Variants in NUMA1 observed in about 807,000 individuals in gnomAD.
The protein encoded by NUMA1 is SP-H antigen.
In NUMA1, 62 loss-of-function variants were observed where a neutral mutation model predicts 237.1. The ratio of observed to expected loss-of-function variants is 0.26; its 90% CI spans 0.21 to 0.32. The LOEUF is 0.32. NUMA1 is among the 10% of genes least tolerant of loss of function. The pLI is 1.00. For synonymous variants in NUMA1, 1,028 were observed against 1,066.1 expected (o/e 0.96, Z 0.70); for missense variants, 2,533 against 2,666.5 (o/e 0.95, Z 1.10).
chr11:72,038,637 T>A (rs1374593214), intron 2 of NUMA1, among the ~76,000 whole-genome samples: 1 of 151,552 alleles, frequency 6.6e-6, no homozygotes, highest in African/African-American at 2.4e-5. Context: ...AGTACCATCC[T>A]CCCCACCCTC....
intron 26 of NUMA1, 42 bp downstream of exon 26, chr11:72,003,845 C>T (rs1339287132): frequency 1.9e-6 from 3 of 1,598,900 alleles, no homozygotes; most frequent in African/African-American, 2.7e-5. Flanking sequence ...GGTGCCCATG[C>T]TCTCATCGGG....
rs147694357 is a variant in NUMA1 at position 72,030,817 on chromosome 11, C to A, written c.43-1527G>T. On this transcript the variant is annotated intron_variant, in intron 3 of 26. Transcript: ENST00000393695. ...GTGTTCTCTATATTTGGGCTGGGAG[C>A]CAGTACATACACACTTTGGGCCCAG... Among the ~76,000 whole-genome samples the A allele has an allele frequency of 7.9e-3, 1,210 of 152,248 alleles. 9 individuals are homozygous for A. Among genetic ancestry groups the A allele is most frequent in the Middle Eastern group, 0.014 (4 of 294 alleles).
rs143066787 is a variant in NUMA1 at position 72,033,545 on chromosome 11, G to A, written c.42+2357C>T. On this transcript the variant is annotated intron_variant, in intron 3 of 26. Transcript: ENST00000393695. The stretch of plus-strand genomic sequence containing the variant: ...ACACCACCACACCCAGCTAATTTTT[G>A]TATTTTTTGAAGAGACAGGGTCTCA... Among the ~76,000 whole-genome samples the A allele has an allele frequency of 2.1e-3, 318 of 151,896 alleles. 1 individual carries two copies. Among genetic ancestry groups the A allele is most frequent in the Admixed American group, 5.5e-3 (83 of 15,220 alleles).
At chr11:72,046,870 G>A (rs1202489744) in intron 2 of NUMA1, among the ~76,000 whole-genome samples, 1 of 152,030 alleles carries the variant, frequency 6.6e-6, no homozygotes, top group Non-Finnish European at 1.5e-5. Context: ...TGAGGCAAGA[G>A]AATCACTTGA....
intron 2 of NUMA1, chr11:72,039,961 T>G (rs1382225599): frequency 6.6e-6 from 1 of 151,988 alleles, no homozygotes; most frequent in Middle Eastern, 3.1e-3. Context: ...TGCCCTAGGC[T>G]AATAAGCTAT....
chr11:72,051,985 G>A (rs1323565954), intron 2 of NUMA1, among the ~76,000 whole-genome samples: 1 of 152,192 alleles, frequency 6.6e-6, no homozygotes, highest in African/African-American at 2.4e-5. Flanking sequence ...TATACTACTT[G>A]TGCTTTTTGA....
rs1217112029 is a variant in NUMA1 at position 72,014,431 on chromosome 11, C to T, written c.3072G>A (p.Lys1024=). ...GCATCTCAAGCTCTGCTCTGGCCGC[C>T]TTCTCCAGGGCAAGGTCAGCCTGGG... ...GRAQADLALE[K]AARAELEMRL... The change falls in exon 15 of 27, where the codon AAG becomes AAA. Residue 1024 remains lysine (K), a synonymous_variant. Coordinates refer to ENST00000393695, the MANE Select transcript of NUMA1 (RefSeq NM_006185.4). This position sits in a 1 kb window ranked among gnomAD's most constrained non-coding sequence, Gnocchi z 4.6. The T allele has an allele frequency of 6.2e-7, 1 of 1,607,486 alleles. No individual in the cohort carries two copies. The highest frequency in any genetic ancestry group is 8.5e-7 in the Non-Finnish European group (1 of 1,179,998).
intron 2 of NUMA1, among the ~76,000 whole-genome samples, chr11:72,060,287 A>AGTTACAAC (rs1330097929): frequency 4.6e-5 from 7 of 152,324 alleles, no homozygotes; most frequent in African/African-American, 1.4e-4. Context: ...AGAGGTGAGT[A>AGTTACAAC]GTTACAACCA....
intron 2 of NUMA1, chr11:72,062,693 GA>G (rs1475490002): frequency 6.6e-6 from 1 of 151,962 alleles, no homozygotes; most frequent in African/African-American, 2.4e-5. Context: ...CAGACTGGGG[GA>G]CAAGAGTGAG....
chr11:72,018,676 G>C (rs1334256028), intron 10 of NUMA1, 147 bp downstream of exon 10: 4 of 1,123,192 alleles, frequency 3.6e-6, no homozygotes, highest in Non-Finnish European at 5.1e-6. Flanking sequence ...GACAAAGACA[G>C]AACCTAGCTT....
At chr11:72,064,345 T>C (rs674319) in intron 2 of NUMA1, among the ~76,000 whole-genome samples, 141,022 of 152,126 alleles carry the variant, frequency 0.93, 65,603 homozygotes, top group Non-Finnish European at 0.98. Context: ...CGCCTGTAGT[T>C]CAGCTACTTG....
rs747930007 is a variant in NUMA1, at chr11:72,007,481, G to A, written c.5217-46C>T. ...GAGGTACAGTCCTTCACGCTAGAAGGCATTTTGTCCAGCCCTTTTTGAAAG... is the reference window on the plus strand; with the variant it reads ...GAGGTACAGTCCTTCACGCTAGAAGACATTTTGTCCAGCCCTTTTTGAAAG... On this transcript the variant is annotated intron_variant, in intron 20 of 26. Coordinates refer to ENST00000393695, the MANE Select transcript of NUMA1 (RefSeq NM_006185.4). The A allele has an allele frequency of 2.6e-5, 41 of 1,603,028 alleles. No individual in the cohort carries two copies. In the African/African-American group the frequency reaches 5.4e-4, roughly 21 times the overall value.
Position 72,024,577 on chromosome 11 carries a change from G to A in NUMA1, c.129-224C>T, listed in dbSNP as rs75438901. 6.3e-3 allele frequency: 3,382 copies of A among 541,016 alleles called. 97 individuals are homozygous for A. Among genetic ancestry groups the A allele is most frequent in the African/African-American group, 0.059 (3,070 of 52,472 alleles). The allele number at this position is 541,016 out of a possible 1,614,324, so 33.5% of individuals were successfully genotyped here. A position where few individuals can be genotyped will look rare whatever the true frequency, so the allele number is the denominator to read the frequency against. ...GGGACTTGAGGCATGGGGTTCTTCT[G>A]GAAAAGATGGCACTCTGCCACCCTA... On this transcript the variant is annotated intron_variant, in intron 4 of 26. Transcript: ENST00000393695.
Position 72,014,547 on chromosome 11 carries a change from C to A in NUMA1, c.2956G>T (p.Ala986Ser). 6.2e-7 allele frequency: 1 copy of A among 1,602,532 alleles called. No homozygotes were observed. The highest frequency in any genetic ancestry group is 1.3e-5 in the African/African-American group (1 of 75,066). ...QMGNELERLR[A>S]ALMESQGQQQ... Reference sequence around the variant, plus strand: ...TGCCCCTGGCTCTCCATCAGCGCGGCCCGCAGCCGTTCCAGCTCATTGCCC... The same window carrying A: ...TGCCCCTGGCTCTCCATCAGCGCGGACCGCAGCCGTTCCAGCTCATTGCCC... Residue 986 changes from alanine (A) to serine (S), a missense_variant, in exon 15 of 27, where the codon GCC becomes TCC. Ala to Ser is a moderately conservative substitution (Grantham distance 99). Coordinates refer to ENST00000393695, the MANE Select transcript of NUMA1 (RefSeq NM_006185.4). This position sits in a 1 kb window ranked among gnomAD's most constrained non-coding sequence, Gnocchi z 4.6.
In NUMA1 at chr11:72,055,965, TACACACACACAC is replaced by T. The variant is rs58350314; in HGVS notation, c.-33+13865_-33+13876del. On this transcript the variant is annotated intron_variant, in intron 2 of 26. Transcript: ENST00000393695. Reference sequence around the variant, plus strand: ...ACCACATCTCTACTAAAAATACACATACACACACACACACACACACACACACACACACAATTA... The same window carrying T: ...ACCACATCTCTACTAAAAATACACATACACACACACACACACACACAATTA... Among the ~76,000 whole-genome samples the T allele has an allele frequency of 4.9e-4, 72 of 148,194 alleles. No individual in the cohort carries two copies. In the Middle Eastern group the frequency reaches 0.01, roughly 21 times the overall value.
Position 72,003,941 on chromosome 11 carries a change from T to C in NUMA1, c.6282A>G (p.Thr2094=). ...TRRSPRIATT[T]ASAATAAAIG... Reference sequence around the variant, plus strand: ...TGGCGGCAGCAGTGGCGGCGCTGGCTGTGGTGGTGGCAATGCGCGGAGAAC... The same window carrying C: ...TGGCGGCAGCAGTGGCGGCGCTGGCCGTGGTGGTGGCAATGCGCGGAGAAC... The change falls in exon 26 of 27, where the codon ACA becomes ACG. Residue 2094 remains threonine, a synonymous_variant. Transcript: ENST00000393695. The C allele has an allele frequency of 6.2e-7, 1 of 1,613,476 alleles. No homozygotes were observed. Among genetic ancestry groups the C allele is most frequent in the African/African-American group, 1.3e-5 (1 of 75,002 alleles).
In NUMA1 at chr11:72,005,354, TAGA is replaced by T; in HGVS notation, c.5705_5707del (p.Phe1902del). ...AGGCTCATCCTGGCAAGTGCCCATG[TAGA>T]AGCTGTTCCTTCCTGTGGAAGGCAG... On this transcript the variant is annotated inframe_deletion, in exon 23 of 27. Transcript: ENST00000393695. 1 of 1,608,024 alleles carries T rather than the reference TAGA, an allele frequency of 6.2e-7. No homozygotes were observed. Among genetic ancestry groups the T allele is most frequent in the Non-Finnish European group, 8.5e-7 (1 of 1,177,388 alleles).
chr11:72,050,875 CT>C (rs1332132195), intron 2 of NUMA1: 2 of 146,820 alleles, frequency 1.4e-5, no homozygotes, highest in African/African-American at 2.5e-5. Flanking sequence ...GGCACCAGAT[CT>C]ATACCCACCT....
chr11:72,057,015 T>C (rs1228236054), intron 2 of NUMA1, among the ~76,000 whole-genome samples: 1 of 150,792 alleles, frequency 6.6e-6, no homozygotes, highest in African/African-American at 2.4e-5. Context: ...CCAGTGACAA[T>C]TGGAAGATAC....
Sources: allele counts gnomAD v4.1 joint callset (sites outside exome capture counted in the v4.1 genomes callset), GRCh38; gene constraint gnomAD v4.1.1; non-coding constraint Gnocchi (gnomAD v3.1); transcripts MANE v1.5; gene names NCBI Gene and HGNC (gene_info 2026-07-23, HGNC 2026-07-21).